The following SLC25A24 variants were observed in gnomAD, a reference collection of about 807,000 sequenced individuals.
SLC25A24 encodes the protein mitochondrial adenyl nucleotide antiporter SLC25A24.
SLC25A24 carries 49 observed loss-of-function variants against 60.7 expected under a neutral mutation model. The observed-to-expected ratio is 0.81, with a 90% CI of 0.64 to 1.02. SLC25A24 has a LOEUF of 1.02. SLC25A24 is among the 50% of genes least tolerant of loss of function. The probability of loss-of-function intolerance (pLI) is 0.00; values close to 1 mark genes in which losing one functional copy is unlikely to be tolerated. For missense variants in SLC25A24, 564 were observed against 586.3 expected, an observed-to-expected ratio of 0.96 and a Z score of 0.39; for synonymous variants, 202 against 200.6, an observed-to-expected ratio of 1.01 and a Z score of -0.06.
chr1:108,148,029 G>A (rs935922685), intron 7 of SLC25A24, among the ~76,000 whole-genome samples: 2 of 152,110 alleles, frequency 1.3e-5, no homozygotes, highest in Non-Finnish European at 1.5e-5. Context: ...AGTGAGGCCT[G>A]GCAGCAACAT....
In SLC25A24 at chr1:108,134,583, C is replaced by A. The variant is rs1679229779; in HGVS notation, c.*2070G>T. On this transcript the variant is annotated 3_prime_UTR_variant, in exon 10 of 10. Transcript: ENST00000565488. ...AATTTTGATATCACAAAAAATATCA[C>A]CTTGTGTCAAAATGCATCATACAGA... is the stretch of plus-strand genomic sequence containing the variant. 1 of 152,044 alleles carries A rather than the reference C, an allele frequency of 6.6e-6. No individual in the cohort carries two copies. The highest frequency in any genetic ancestry group is 2.1e-4 in the South Asian group (1 of 4,822). 9.4% of individuals were successfully genotyped at this position (152,044 alleles called of 1,614,324 possible).
chr1:108,181,448 T>C (rs1647928928), intron 3 of SLC25A24, among the ~76,000 whole-genome samples: 1 of 152,238 alleles, frequency 6.6e-6, no homozygotes, highest in African/African-American at 2.4e-5. Flanking sequence ...ATAGTCAAAC[T>C]GATTGCCCCA....
At chr1:108,173,470 G>A (rs949555280) in intron 3 of SLC25A24, among the ~76,000 whole-genome samples, 2 of 152,328 alleles carry the variant, frequency 1.3e-5, no homozygotes, top group Admixed American at 1.3e-4. Context: ...ACGCGAAACT[G>A]TGAGTCAATT....
chr1:108,139,323 C>A, intron 8 of SLC25A24, 115 bp from the exon 9 acceptor site: 1 of 1,085,102 alleles, frequency 9.2e-7, no homozygotes, highest in Non-Finnish European at 1.3e-6. Context: ...TGAGGCCACG[C>A]ATTTGCAGAA....
intron 3 of SLC25A24, among the ~76,000 whole-genome samples, chr1:108,167,386 C>T (rs1271400157): frequency 7.9e-5 from 12 of 152,130 alleles, no homozygotes; most frequent in African/African-American, 2.9e-4. Context: ...GCCCCTCCCC[C>T]AGCCTCGCTG....
intron 3 of SLC25A24, among the ~76,000 whole-genome samples, chr1:108,163,881 G>A (rs1317935306): frequency 1.3e-5 from 2 of 152,172 alleles, no homozygotes; most frequent in Non-Finnish European, 2.9e-5. Context: ...GTTTTCAAAG[G>A]GAATGCTTCC....
intron 1 of SLC25A24, among the ~76,000 whole-genome samples, chr1:108,190,949 G>A (rs1335458684): frequency 7.2e-6 from 1 of 138,968 alleles, no homozygotes; most frequent in Non-Finnish European, 1.6e-5. Context: ...AAGCGTCCTT[G>A]CCAAAAATGC....
At chr1:108,160,215 G>C (rs1169260739) in intron 4 of SLC25A24, among the ~76,000 whole-genome samples, 1 of 152,068 alleles carries the variant, frequency 6.6e-6, no homozygotes, top group African/African-American at 2.4e-5. Flanking sequence ...CGGCCGAGCA[G>C]AGGCGCTCCT....
chr1:108,163,904 G>T lies in SLC25A24; in HGVS notation c.399-2611C>A, dbSNP rs1257532979. ...AGGGAATGCTTCCAGTTTTTACCCA[G>T]TCAGTATGATATTGGCTGTGGGTTT... On this transcript the variant is annotated intron_variant, in intron 3 of 9. Transcript: ENST00000565488. 6.6e-5 allele frequency among the ~76,000 whole-genome samples: 10 copies of T among 152,298 alleles called. No homozygotes were observed. The South Asian group carries it at 8.3e-4, about 13-fold the overall frequency.
chr1:108,200,079 C>T lies in SLC25A24; in HGVS notation c.60G>A (p.Gln20=), dbSNP rs780023554. 6.2e-5 allele frequency: 98 copies of T among 1,586,490 alleles called. 2 individuals are homozygous for T. In the East Asian group the frequency reaches 2.1e-3, roughly 34 times the overall value. ...LPTAACQDAE[Q]PTRYETLFQA... is the part of the protein sequence containing the mutation. The stretch of plus-strand genomic sequence containing the variant: ...GGAAGAGGGTCTCGTAGCGCGTCGG[C>T]TGCTCCGCGTCCTGGCAGGCCGCGG... Residue 20 remains glutamine (Q), a synonymous_variant, in exon 1 of 10, where the codon CAG becomes CAA. Coordinates refer to ENST00000565488, the MANE Select transcript of SLC25A24 (RefSeq NM_013386.5).
chr1:108,176,945 TAAAAG>T (rs1218608380), intron 3 of SLC25A24, among the ~76,000 whole-genome samples: 1 of 152,052 alleles, frequency 6.6e-6, no homozygotes, highest in African/African-American at 2.4e-5. Flanking sequence ...AACTGGCTGA[TAAAAG>T]AAAGTACACA....
In SLC25A24 at chr1:108,135,320, T is replaced by C. The variant is rs147045715; in HGVS notation, c.*1333A>G. On this transcript the variant is annotated 3_prime_UTR_variant, in exon 10 of 10. Coordinates refer to ENST00000565488, the MANE Select transcript of SLC25A24 (RefSeq NM_013386.5). ...TAGGTTCAAATAAAGAAAATGCCTA[T>C]TACATCATTAGATTTTCATTAAAAT... 9.6e-4 allele frequency: 146 copies of C among 152,680 alleles called. 1 individual carries two copies. The highest frequency in any genetic ancestry group is 3.4e-3 in the African/African-American group (140 of 41,576). 9.5% of individuals were successfully genotyped at this position (152,680 alleles called of 1,614,324 possible).
At chr1:108,192,794 G>A in intron 1 of SLC25A24, 2 of 1,289,594 alleles carry the variant, frequency 1.6e-6, no homozygotes, top group Non-Finnish European at 2.0e-6. Flanking sequence ...AGCTCTGGAA[G>A]GAGAGGGCTC....
At chr1:108,182,113 G>A (rs1455679044) in intron 2 of SLC25A24, 85 bp from the exon 3 acceptor site, 1 of 978,062 alleles carries the variant, frequency 1.0e-6, no homozygotes, top group Non-Finnish European at 1.6e-6. Context: ...TCTCATTTAA[G>A]AGAAAGCTTT....
intron 3 of SLC25A24, among the ~76,000 whole-genome samples, chr1:108,180,335 A>C (rs111901093): frequency 0.015 from 2,225 of 152,044 alleles, 52 homozygotes; most frequent in African/African-American, 0.051. Context: ...ATTGCACTCC[A>C]GCCTGGGCAA....
chr1:108,152,984 C>T (rs1004894148), intron 6 of SLC25A24, among the ~76,000 whole-genome samples: 6 of 152,072 alleles, frequency 3.9e-5, no homozygotes, highest in South Asian at 2.1e-4. Context: ...GGTCAGGAGA[C>T]AGGGAGTAGC....
chr1:108,166,195 A>C (rs1680247893), intron 3 of SLC25A24, among the ~76,000 whole-genome samples: 1 of 152,238 alleles, frequency 6.6e-6, no homozygotes, highest in African/African-American at 2.4e-5. Context: ...ATTTGAGGGT[A>C]ACCCGACCTT....
chr1:108,186,448 C>A (rs1360437352), intron 1 of SLC25A24, among the ~76,000 whole-genome samples: 2 of 151,920 alleles, frequency 1.3e-5, no homozygotes, highest in Non-Finnish European at 2.9e-5. Flanking sequence ...ATACTAGCTA[C>A]TTGGAGGCTG....
intron 4 of SLC25A24, among the ~76,000 whole-genome samples, chr1:108,160,302 C>T (rs1309449897): frequency 1.3e-5 from 2 of 151,006 alleles, no homozygotes; most frequent in African/African-American, 2.4e-5. Context: ...AGACGCTCCT[C>T]ACTTCCTAGA....
Sources: allele counts gnomAD v4.1 joint callset (sites outside exome capture counted in the v4.1 genomes callset), GRCh38; gene constraint gnomAD v4.1.1; transcripts MANE v1.5; gene names NCBI Gene and HGNC (gene_info 2026-07-23, HGNC 2026-07-21).